DOCK3: variants seen among roughly 807,000 people sequenced by gnomAD.
DOCK3 encodes the protein dedicator of cytokinesis 3.
DOCK3 carries 60 observed loss-of-function variants against 265.6 expected under a neutral mutation model. That is an observed-to-expected ratio of 0.23 (90% CI 0.18 to 0.28). DOCK3 has a LOEUF of 0.28. Ranked by LOEUF, DOCK3 falls within the 10% of genes least tolerant of loss-of-function variation. The pLI is 1.00. For missense variants in DOCK3, 1,981 were observed against 2,594.3 expected (o/e 0.76, Z 5.14); for synonymous variants, 881 against 938.0 (o/e 0.94, Z 1.11).
chr3:50,857,169 A>G (rs553454670), intron 3 of DOCK3, among the ~76,000 whole-genome samples: 11 of 152,192 alleles, frequency 7.2e-5, no homozygotes, highest in African/African-American at 2.4e-4. Context: ...TTTTTGTTCT[A>G]GGATGATAAT....
At chr3:50,963,141 C>T (rs776980397) in intron 5 of DOCK3, among the ~76,000 whole-genome samples, 2 of 152,142 alleles carry the variant, frequency 1.3e-5, no homozygotes, top group Non-Finnish European at 2.9e-5. Context: ...GCCAAGATTG[C>T]ACCATTGTAC....
Position 51,312,017 on chromosome 3 carries a change from A to G in DOCK3, c.3031A>G (p.Thr1011Ala). 3 of 1,603,288 alleles carry G rather than the reference A, an allele frequency of 1.9e-6. No individual in the cohort carries two copies. Among genetic ancestry groups the G allele is most frequent in the Middle Eastern group, 1.7e-4 (1 of 6,054 alleles). Reference protein sequence around the residue: ...RLLTSNIIVTTVQYLSSALHK... With the variant: ...RLLTSNIIVTAVQYLSSALHK... ...TCCTTACTGCAGTATTATAGTCACT[A>G]CTGTCCAGTACCTGTCCTCTGCACT... Residue 1011 changes from threonine to alanine, a missense_variant, in exon 29 of 53, where the codon ACT becomes GCT. Thr to Ala is a moderately conservative substitution (Grantham distance 58). Coordinates refer to ENST00000266037, the MANE Select transcript of DOCK3 (RefSeq NM_004947.5).
chr3:51,140,006 A>G (rs2084974345), intron 9 of DOCK3, among the ~76,000 whole-genome samples: 1 of 152,364 alleles, frequency 6.6e-6, no homozygotes, highest in South Asian at 2.1e-4. Context: ...GTTTCACACA[A>G]GGCCATGCAG....
At chr3:51,261,256 C>T (rs1426612677) in intron 23 of DOCK3, among the ~76,000 whole-genome samples, 2 of 151,824 alleles carry the variant, frequency 1.3e-5, no homozygotes, top group Non-Finnish European at 1.5e-5. Context: ...TGGGTGCACC[C>T]ATGGAGGGCA....
chr3:51,005,937 G>A (rs181262583), intron 5 of DOCK3, among the ~76,000 whole-genome samples: 1 of 152,188 alleles, frequency 6.6e-6, no homozygotes, highest in East Asian at 1.9e-4. Context: ...GGTCTCTAGG[G>A]CCCCAGTGGA....
At chr3:51,069,534 GTATATATGTGTGTATATATGTGTGTA>G (rs1286497623) in intron 6 of DOCK3, among the ~76,000 whole-genome samples, 1 of 148,950 alleles carries the variant, frequency 6.7e-6, no homozygotes, top group South Asian at 2.1e-4. Flanking sequence ...ATATGTGTGT[GTATATATGTGTGTATATATGTGTGTA>G]TATATATGTG....
chr3:50,689,273 T>A (rs922764204), intron 1 of DOCK3, among the ~76,000 whole-genome samples: 2 of 152,200 alleles, frequency 1.3e-5, no homozygotes, highest in African/African-American at 4.8e-5. Context: ...GTACTCACGG[T>A]GCTAATAAAG....
chr3:50,870,266 A>G (rs2047371510), intron 3 of DOCK3, among the ~76,000 whole-genome samples: 1 of 152,110 alleles, frequency 6.6e-6, no homozygotes, highest in Non-Finnish European at 1.5e-5. Flanking sequence ...TTGCTCTAAT[A>G]ATATTTGGTT....
chr3:51,025,240 C>A (rs1416898304), intron 5 of DOCK3, among the ~76,000 whole-genome samples: 1 of 152,138 alleles, frequency 6.6e-6, no homozygotes, highest in African/African-American at 2.4e-5. Flanking sequence ...TTGTGCAGGG[C>A]AGGCTAAGGC....
chr3:50,974,241 T>A (rs1043505093), intron 5 of DOCK3, among the ~76,000 whole-genome samples: 1 of 151,910 alleles, frequency 6.6e-6, no homozygotes, highest in Non-Finnish European at 1.5e-5. Context: ...TGGTATTGCC[T>A]AGGTTTTCTT....
chr3:50,794,882 A>G (rs1315853497), intron 2 of DOCK3, among the ~76,000 whole-genome samples: 1 of 152,110 alleles, frequency 6.6e-6, no homozygotes, highest in Non-Finnish European at 1.5e-5. Flanking sequence ...TTTCCTTTCC[A>G]TATTTAGTGC....
rs2076496263 is a variant in DOCK3 at position 50,948,405 on chromosome 3, T to TG, written c.315+14328_315+14329insG. Among the ~76,000 whole-genome samples, 5 of 141,568 alleles carry TG rather than the reference T, an allele frequency of 3.5e-5. No homozygotes were observed. The South Asian group carries it at 9.2e-4, about 26-fold the overall frequency. 92.9% of individuals were successfully genotyped at this position (141,568 alleles called of 152,430 possible). A position where few individuals can be genotyped will look rare whatever the true frequency, so the allele number is the denominator to read the frequency against. ...AATTGATGTTGAAGTTTTAATCTTTTTTTTTTTTTTTTTTTTTAGTCAGAG... is the reference window on the plus strand; with the variant it reads ...AATTGATGTTGAAGTTTTAATCTTTTGTTTTTTTTTTTTTTTTTAGTCAGAG... On this transcript the variant is annotated intron_variant, in intron 5 of 52. Coordinates refer to ENST00000266037, the MANE Select transcript of DOCK3 (RefSeq NM_004947.5).
At chr3:50,959,764 T>C (rs953279089) in intron 5 of DOCK3, among the ~76,000 whole-genome samples, 1 of 151,772 alleles carries the variant, frequency 6.6e-6, no homozygotes, top group Non-Finnish European at 1.5e-5. Flanking sequence ...GTATTTTTAG[T>C]AGAGATGGGG....
At chr3:50,849,448 G>C (rs763156189) in intron 3 of DOCK3, among the ~76,000 whole-genome samples, 57 of 151,628 alleles carry the variant, frequency 3.8e-4, no homozygotes, top group Non-Finnish European at 6.8e-4. Flanking sequence ...ATATACATTT[G>C]CTTTATTTAT....
chr3:51,320,702 G>C (rs1273573270), intron 32 of DOCK3, among the ~76,000 whole-genome samples: 1 of 152,180 alleles, frequency 6.6e-6, no homozygotes, highest in Non-Finnish European at 1.5e-5. Context: ...TGGAAACAGA[G>C]CCACCAGGAA....
chr3:50,911,914 CTTA>C (rs1435515528), intron 4 of DOCK3, among the ~76,000 whole-genome samples: 12 of 151,832 alleles, frequency 7.9e-5, no homozygotes, highest in Admixed American at 6.6e-4. Flanking sequence ...TCTTAGGTAT[CTTA>C]TTATTATTTT....
At chr3:51,341,791 G>C (rs1420946084) in intron 38 of DOCK3, among the ~76,000 whole-genome samples, 1 of 152,210 alleles carries the variant, frequency 6.6e-6, no homozygotes. Flanking sequence ...ACAGCCAAAG[G>C]CGGCCTAAAC....
At chr3:51,326,878 A>G (rs1241329626) in intron 32 of DOCK3, among the ~76,000 whole-genome samples, 4 of 151,924 alleles carry the variant, frequency 2.6e-5, no homozygotes, top group Non-Finnish European at 4.4e-5. Context: ...ACCTGCCTCC[A>G]TCTCCCAAAG....
intron 23 of DOCK3, among the ~76,000 whole-genome samples, chr3:51,266,766 G>C (rs998468644): frequency 6.6e-6 from 1 of 152,160 alleles, no homozygotes; most frequent in African/African-American, 2.4e-5. Context: ...CATAGGCATA[G>C]GCAAAGATTT....
Sources: allele counts gnomAD v4.1 joint callset (sites outside exome capture counted in the v4.1 genomes callset), GRCh38; gene constraint gnomAD v4.1.1; transcripts MANE v1.5; gene names NCBI Gene and HGNC (gene_info 2026-07-23, HGNC 2026-07-21).